PLCH1: variants seen among roughly 807,000 people sequenced by gnomAD.
PLCH1 encodes 1-phosphatidylinositol 4,5-bisphosphate phosphodiesterase eta-1.
PLCH1 carries 60 observed loss-of-function variants against 126.7 expected under a neutral mutation model. That is an observed-to-expected ratio of 0.47 (90% confidence interval 0.38 to 0.59). PLCH1 has a LOEUF of 0.59. PLCH1 is among the 20% of genes least tolerant of loss of function. The probability of loss-of-function intolerance (pLI) is 0.00; values close to 1 mark genes in which losing one functional copy is unlikely to be tolerated. For synonymous variants in PLCH1, 719 were observed against 734.9 expected (o/e 0.98, Z 0.35); for missense variants, 1,723 against 2,040.0 (o/e 0.84, Z 2.99).
intron 6 of PLCH1, among the ~76,000 whole-genome samples, chr3:155,570,956 C>T (rs1255721167): frequency 6.6e-6 from 1 of 152,064 alleles, no homozygotes; most frequent in Non-Finnish European, 1.5e-5. Context: ...CCTTTATTTA[C>T]TGTAGTTCTT....
At chr3:155,536,004 T>C (rs1723305038) in intron 10 of PLCH1, among the ~76,000 whole-genome samples, 2 of 152,202 alleles carry the variant, frequency 1.3e-5, no homozygotes, top group South Asian at 4.1e-4. Context: ...CAGGACTCTT[T>C]GCAGATATTC....
At chr3:155,725,448 A>C (rs931173800) in intron 1 of PLCH1, among the ~76,000 whole-genome samples, 21 of 121,140 alleles carry the variant, frequency 1.7e-4, no homozygotes, top group Non-Finnish European at 2.8e-4. Context: ...TATATTTTAG[A>C]CACTTTTTTT....
intron 21 of PLCH1, among the ~76,000 whole-genome samples, chr3:155,467,488 C>A (rs1242771844): frequency 1.3e-5 from 2 of 151,496 alleles, no homozygotes; most frequent in Admixed American, 6.6e-5. Context: ...GAAGGAGAAT[C>A]ACTTAAACCT....
At chr3:155,555,974 G>C (rs1009256578) in intron 8 of PLCH1, among the ~76,000 whole-genome samples, 2 of 152,144 alleles carry the variant, frequency 1.3e-5, no homozygotes, top group African/African-American at 4.8e-5. Flanking sequence ...GAGAACCTTG[G>C]TTGCCAGAAC....
rs1004948112 is a variant in PLCH1, at chr3:155,555,041, C to T, written c.1070-845G>A. Among the ~76,000 whole-genome samples, 5 of 152,226 alleles carry T rather than the reference C, an allele frequency of 3.3e-5. 1 individual carries two copies. The South Asian group carries it at 1.0e-3, about 32-fold the overall frequency. ...TTTATATTTTGCCCCCAGGCTAATT[C>T]CTCAAAACACTACTTTCACCTCATT... On this transcript the variant is annotated intron_variant, in intron 8 of 22. Coordinates refer to ENST00000460012, the MANE Select transcript of PLCH1 (RefSeq NM_014996.4).
At chr3:155,494,648 A>G (rs1291041482) in intron 15 of PLCH1, 131 bp from the exon 16 acceptor site, 9 of 697,902 alleles carry the variant, frequency 1.3e-5, no homozygotes, top group South Asian at 1.9e-5. Context: ...GGATTCAACC[A>G]GAGTAGAGGC....
Position 155,592,174 on chromosome 3 carries a change from T to TAA in PLCH1, c.470+1765_470+1766dup, listed in dbSNP as rs11329108. 4.5e-3 allele frequency among the ~76,000 whole-genome samples: 585 copies of TAA among 129,286 alleles called. 2 individuals are homozygous for TAA. Among genetic ancestry groups the TAA allele is most frequent in the Admixed American group, 6.7e-3 (85 of 12,684 alleles). The allele number at this position is 129,286 out of a possible 152,430, so 84.8% of individuals were successfully genotyped here. On this transcript the variant is annotated intron_variant, in intron 4 of 22. Coordinates refer to ENST00000460012, the MANE Select transcript of PLCH1 (RefSeq NM_014996.4). ...TCTGGGAAGTTTTTCTTTTCTCTTT[T>TAA]AAAAAAAAAAAAAAAAAAAAAGATT...
intron 10 of PLCH1, among the ~76,000 whole-genome samples, chr3:155,537,201 CCAAA>C (rs1723505193): frequency 1.2e-4 from 16 of 132,114 alleles, no homozygotes; most frequent in African/African-American, 4.5e-4. Context: ...AAAAAAAAAA[CCAAA>C]AAAAAAAAAA....
At chr3:155,743,653 G>GA (rs920017067) in intron 1 of PLCH1, 4 of 391,948 alleles carry the variant, frequency 1.0e-5, no homozygotes, top group African/African-American at 2.2e-5. Context: ...TGAGGCAACT[G>GA]AAAAAAACTA....
At chr3:155,734,858 G>A (rs958762168) in intron 1 of PLCH1, among the ~76,000 whole-genome samples, 20 of 151,868 alleles carry the variant, frequency 1.3e-4, no homozygotes, top group African/African-American at 4.4e-4. Context: ...ACAGGCACCC[G>A]CCACCACGCC....
chr3:155,479,081 G>T (rs1713676407), downstream of PLCH1, among the ~76,000 whole-genome samples: 1 of 152,042 alleles, frequency 6.6e-6, no homozygotes. Flanking sequence ...AAATGTCAGT[G>T]TTTACCCTAA....
chr3:155,484,140 G>A (rs565251669), intron 22 of PLCH1, among the ~76,000 whole-genome samples: 34 of 152,038 alleles, frequency 2.2e-4, no homozygotes, highest in Middle Eastern at 3.4e-3. Context: ...TATATTTACC[G>A]AAACTTTAAT....
intron 2 of PLCH1, among the ~76,000 whole-genome samples, chr3:155,697,026 C>T (rs1745874334): frequency 6.6e-6 from 1 of 152,210 alleles, no homozygotes; most frequent in Non-Finnish European, 1.5e-5. Flanking sequence ...TTTTCATCCC[C>T]TCCATCGTTG....
chr3:155,573,193 CTG>C (rs1729468897), intron 6 of PLCH1, among the ~76,000 whole-genome samples: 1 of 152,182 alleles, frequency 6.6e-6, no homozygotes, highest in East Asian at 1.9e-4. Context: ...TTAGTAGTCT[CTG>C]TTCTTTATAG....
At chr3:155,503,494 T>C (rs1718202208) in intron 13 of PLCH1, among the ~76,000 whole-genome samples, 1 of 152,162 alleles carries the variant, frequency 6.6e-6, no homozygotes. Context: ...CTTTTTCCTC[T>C]TTGTACTATT....
chr3:155,501,770 G>A (rs1717941228), intron 13 of PLCH1, among the ~76,000 whole-genome samples: 1 of 152,018 alleles, frequency 6.6e-6, no homozygotes, highest in Non-Finnish European at 1.5e-5. Flanking sequence ...ACTCCAGCCT[G>A]GACAACAAGA....
intron 2 of PLCH1, among the ~76,000 whole-genome samples, chr3:155,694,897 T>A (rs1022252991): frequency 5.9e-5 from 9 of 151,378 alleles, no homozygotes; most frequent in Non-Finnish European, 1.3e-4. Context: ...ATTATTCTCC[T>A]CATGTACCCC....
chr3:155,467,819 CA>C (rs1712989148), intron 21 of PLCH1, among the ~76,000 whole-genome samples: 1 of 152,164 alleles, frequency 6.6e-6, no homozygotes, highest in South Asian at 2.1e-4. Flanking sequence ...TGGACTTCCT[CA>C]ATACCAGACT....
rs1283026361 is a variant in PLCH1 at position 155,492,720 on chromosome 3, G to A, written c.2307+9C>T. ...TAACCACTTAGACACGTAGTCATAG[G>A]CAACTTACCTCGCCTCGATCTCCAA... On this transcript the variant is annotated intron_variant, in intron 18 of 22. Transcript: ENST00000460012. 6.4e-7 allele frequency: 1 copy of A among 1,556,772 alleles called. No homozygotes were observed. The highest frequency in any genetic ancestry group is 2.4e-5 in the East Asian group (1 of 42,484).
Sources: allele counts gnomAD v4.1 joint callset (sites outside exome capture counted in the v4.1 genomes callset), GRCh38; gene constraint gnomAD v4.1.1; transcripts MANE v1.5; gene names NCBI Gene and HGNC (gene_info 2026-07-23, HGNC 2026-07-21).